MCTP1: variants seen among roughly 807,000 people sequenced by gnomAD.
The protein encoded by MCTP1 is multiple C2 and transmembrane domain-containing protein 1.
A neutral mutation model predicts 120.6 loss-of-function variants in MCTP1; 69 were observed. The observed-to-expected ratio is 0.57, with a 90% CI of 0.47 to 0.70. The LOEUF (loss-of-function observed/expected upper bound fraction) is 0.70. Among genes scored for constraint, MCTP1 ranks in the 30% least tolerant of loss-of-function variants. The pLI is 0.00. For missense variants in MCTP1, 1,203 were observed against 1,248.8 expected (o/e 0.96, Z 0.55); for synonymous variants, 529 against 493.1 (o/e 1.07, Z -0.96).
chr5:94,809,644 G>C (rs1022873064), intron 17 of MCTP1, among the ~76,000 whole-genome samples: 16 of 152,058 alleles, frequency 1.1e-4, no homozygotes, highest in Non-Finnish European at 1.0e-4. Flanking sequence ...TCAAAATCAG[G>C]CTGCAAGCAC....
At chr5:95,121,600 T>A (rs1758246436) in intron 1 of MCTP1, among the ~76,000 whole-genome samples, 1 of 151,778 alleles carries the variant, frequency 6.6e-6, no homozygotes, top group Admixed American at 6.6e-5. Flanking sequence ...TTTAATGTAA[T>A]CCTTATCAAA....
At chr5:94,870,308 A>G in intron 16 of MCTP1, 109 bp downstream of exon 16, 1 of 644,648 alleles carries the variant, frequency 1.6e-6, no homozygotes, top group Non-Finnish European at 2.7e-6. Context: ...ATGATCAAAA[A>G]TTCCAGTCTT....
chr5:95,216,485 C>T (rs1336901822), intron 1 of MCTP1, among the ~76,000 whole-genome samples: 3 of 152,110 alleles, frequency 2.0e-5, no homozygotes, highest in Non-Finnish European at 2.9e-5. Flanking sequence ...TATTCCTCTA[C>T]ACTGTGTTCT....
intron 3 of MCTP1, among the ~76,000 whole-genome samples, chr5:94,952,080 G>C (rs2153530634): frequency 6.8e-6 from 1 of 146,848 alleles, no homozygotes; most frequent in East Asian, 2.0e-4. Flanking sequence ...GCTGAGGCAA[G>C]GGAATGGCTT....
At chr5:95,009,051 GGAGAAAGAGAGA>G (rs1474125058) in intron 2 of MCTP1, among the ~76,000 whole-genome samples, 31 of 78,090 alleles carry the variant, frequency 4.0e-4, no homozygotes, top group Non-Finnish European at 6.2e-4. Flanking sequence ...AGTGAGAGAG[GGAGAAAGAGAGA>G]GAGAGAGAGA....
At chr5:94,910,401 C>T (rs553883026) in intron 9 of MCTP1, among the ~76,000 whole-genome samples, 3 of 152,106 alleles carry the variant, frequency 2.0e-5, no homozygotes, top group Non-Finnish European at 4.4e-5. Flanking sequence ...AAATTCCATT[C>T]ACCATTGGGT....
In MCTP1 at chr5:94,703,875, T is replaced by C. The variant is rs1435544429; in HGVS notation, c.*3621A>G. 1 of 151,380 alleles carries C rather than the reference T, an allele frequency of 6.6e-6. No homozygotes were observed. The highest frequency in any genetic ancestry group is 1.5e-5 in the Non-Finnish European group (1 of 67,662). The allele number at this position is 151,380 out of a possible 1,614,324, so 9.4% of individuals were successfully genotyped here. ...ACTATTTTTTAATGAGATTTTTCAA[T>C]AGTATTTCTCAAATTTTAGCCATTC... is the stretch of plus-strand genomic sequence containing the variant. On this transcript the variant is annotated 3_prime_UTR_variant, in exon 23 of 23. Transcript: ENST00000515393.
At chr5:94,870,320 C>T in intron 16 of MCTP1, 97 bp downstream of exon 16, 1 of 718,234 alleles carries the variant, frequency 1.4e-6, no homozygotes, top group Non-Finnish European at 2.3e-6. Context: ...TCCAGTCTTC[C>T]CCCCTCCATA....
intron 1 of MCTP1, among the ~76,000 whole-genome samples, chr5:95,168,038 T>G (rs1254929044): frequency 1.3e-5 from 2 of 151,914 alleles, no homozygotes; most frequent in South Asian, 2.1e-4. Flanking sequence ...GGTCTAACAT[T>G]TAAGTCTTTA....
Position 94,799,085 on chromosome 5 carries a change from C to T in MCTP1, c.2484G>A (p.Leu828=). 6.2e-7 allele frequency: 1 copy of T among 1,611,828 alleles called. No individual in the cohort carries two copies. The highest frequency in any genetic ancestry group is 1.1e-5 in the South Asian group (1 of 90,948). The change falls in exon 18 of 23, where the codon CTG becomes CTA. Residue 828 remains leucine (L), a synonymous_variant. Coordinates refer to ENST00000515393, the MANE Select transcript of MCTP1 (RefSeq NM_024717.7). ...VWNFELYMIP[L]VLLLLLTWNY... ...TCCATGTCAATAGTAACAACAAAAC[C>T]AGTGGTATCATGTAGAGCTCAAAGT...
At chr5:95,103,685 C>T (rs138314451) in intron 1 of MCTP1, among the ~76,000 whole-genome samples, 134 of 152,254 alleles carry the variant, frequency 8.8e-4, no homozygotes, top group African/African-American at 3.0e-3. Context: ...CAACAATTTT[C>T]GAGTGCCTTT....
At chr5:95,143,626 A>T (rs1760122449) in intron 1 of MCTP1, among the ~76,000 whole-genome samples, 1 of 152,028 alleles carries the variant, frequency 6.6e-6, no homozygotes, top group Non-Finnish European at 1.5e-5. Flanking sequence ...ATTTAATTTT[A>T]GCTCCCACTT....
intron 1 of MCTP1, among the ~76,000 whole-genome samples, chr5:95,263,990 A>G (rs1425141927): frequency 6.6e-6 from 1 of 152,128 alleles, no homozygotes; most frequent in Non-Finnish European, 1.5e-5. Context: ...CCCTTAAAAA[A>G]CCATCTTCTT....
chr5:94,773,374 T>C (rs1277204433), intron 19 of MCTP1, among the ~76,000 whole-genome samples: 2 of 152,202 alleles, frequency 1.3e-5, no homozygotes, highest in Non-Finnish European at 2.9e-5. Context: ...GTTATAGTAT[T>C]GCAATAAATA....
chr5:94,996,101 A>G (rs1453076811), intron 2 of MCTP1, among the ~76,000 whole-genome samples: 3 of 152,222 alleles, frequency 2.0e-5, no homozygotes, highest in Non-Finnish European at 4.4e-5. Flanking sequence ...AGACAGTTAA[A>G]TGTTTTCTCT....
chr5:95,067,417 T>A (rs892866049), intron 1 of MCTP1, among the ~76,000 whole-genome samples: 2 of 152,112 alleles, frequency 1.3e-5, no homozygotes, highest in African/African-American at 4.8e-5. Context: ...GTAATGATTA[T>A]GTGTCAAAAA....
intron 19 of MCTP1, among the ~76,000 whole-genome samples, chr5:94,715,118 C>T (rs980343731): frequency 6.6e-6 from 1 of 151,936 alleles, no homozygotes; most frequent in African/African-American, 2.4e-5. Flanking sequence ...GCAAGAGCCT[C>T]GGGTTCCTTT....
chr5:95,020,688 T>C (rs960155817), intron 1 of MCTP1, among the ~76,000 whole-genome samples: 3 of 152,070 alleles, frequency 2.0e-5, no homozygotes, highest in African/African-American at 7.2e-5. Context: ...CAATATGTAT[T>C]GATTCTCATA....
intron 19 of MCTP1, among the ~76,000 whole-genome samples, chr5:94,756,255 A>G (rs926488900): frequency 6.6e-6 from 1 of 152,202 alleles, no homozygotes; most frequent in African/African-American, 2.4e-5. Context: ...ATCACATAGC[A>G]GCCTGGTTCC....
Sources: allele counts gnomAD v4.1 joint callset (sites outside exome capture counted in the v4.1 genomes callset), GRCh38; gene constraint gnomAD v4.1.1; transcripts MANE v1.5; gene names NCBI Gene and HGNC (gene_info 2026-07-23, HGNC 2026-07-21).